The following RIN3 variants were observed in gnomAD, a reference collection of about 807,000 sequenced individuals.
RIN3 encodes RAB5 interacting protein 3.
In RIN3, 54 loss-of-function variants were observed where a neutral mutation model predicts 76.3. The ratio of observed to expected loss-of-function variants is 0.71; its 90% CI spans 0.57 to 0.89. The LOEUF is 0.89. Among genes scored for constraint, RIN3 ranks in the 40% least tolerant of loss-of-function variants. The pLI, the probability that RIN3 is intolerant of heterozygous loss-of-function variation, is 0.00. For missense variants in RIN3, 1,256 were observed against 1,322.1 expected (o/e 0.95, Z 0.78); for synonymous variants, 576 against 564.0 (o/e 1.02, Z -0.30).
chr14:92,643,924 C>A lies in RIN3; in HGVS notation c.532+2595C>A, dbSNP rs1318740273. On this transcript the variant is annotated intron_variant, in intron 5 of 9. Coordinates refer to ENST00000216487, the MANE Select transcript of RIN3 (RefSeq NM_024832.5). This position sits in a 1 kb window ranked among gnomAD's most constrained non-coding sequence, Gnocchi z 4.8. The stretch of plus-strand genomic sequence containing the variant: ...GCGTGGGCAACAGACTGAGACTCTG[C>A]CTCAAAAAAAAAAAAAATTAGAAGA... Among the ~76,000 whole-genome samples the A allele has an allele frequency of 6.6e-6, 1 of 150,948 alleles. No individual in the cohort carries two copies. The highest frequency in any genetic ancestry group is 2.4e-5 in the African/African-American group (1 of 40,848).
intron 3 of RIN3, among the ~76,000 whole-genome samples, chr14:92,613,896 C>T (rs936201969): frequency 9.8e-5 from 15 of 152,338 alleles, no homozygotes; most frequent in Admixed American, 7.8e-4. Context: ...GGGGCTCTCA[C>T]GTGCAGGGAG....
At chr14:92,549,874 A>G (rs1897376689) in intron 1 of RIN3, among the ~76,000 whole-genome samples, 2 of 152,186 alleles carry the variant, frequency 1.3e-5, no homozygotes, top group Non-Finnish European at 2.9e-5. Context: ...TTTCTGGTGG[A>G]GCTGCTCCAA....
chr14:92,631,605 C>T (rs549319573), intron 4 of RIN3, among the ~76,000 whole-genome samples: 15 of 151,650 alleles, frequency 9.9e-5, no homozygotes, highest in African/African-American at 2.7e-4. Flanking sequence ...TTTTTTTTGG[C>T]GGCGGCGGGA....
rs969416341 is a variant in RIN3 at position 92,656,757 on chromosome 14, G to A, written c.2027-2404G>A. Among the ~76,000 whole-genome samples the A allele has an allele frequency of 6.6e-6, 1 of 152,222 alleles. No individual in the cohort carries two copies. The highest frequency in any genetic ancestry group is 2.4e-5 in the African/African-American group (1 of 41,458). On this transcript the variant is annotated intron_variant, in intron 6 of 9. Transcript: ENST00000216487. This position sits in a 1 kb window ranked among gnomAD's most constrained non-coding sequence, Gnocchi z 5.2. ...AGGGCTGGAGCTACAGAGATGGAGAGAAGGGCCCTTCAGCCTTTGGGAACA... is the reference window on the plus strand; with the variant it reads ...AGGGCTGGAGCTACAGAGATGGAGAAAAGGGCCCTTCAGCCTTTGGGAACA...
chr14:92,625,616 T>C (rs4904961), intron 4 of RIN3, among the ~76,000 whole-genome samples: 136,419 of 152,146 alleles, frequency 0.9, 61,376 homozygotes, highest in African/African-American at 0.94. Flanking sequence ...TGCTCTTCCA[T>C]ATTTGAAGCA....
At chr14:92,684,396 A>AAC (rs1888773114) in intron 8 of RIN3, among the ~76,000 whole-genome samples, 2 of 151,842 alleles carry the variant, frequency 1.3e-5, no homozygotes, top group Non-Finnish European at 2.9e-5. Context: ...AAAAAAAAAA[A>AAC]AAAAAACCTC....
At chr14:92,601,982 C>A (rs1382847443) in intron 3 of RIN3, among the ~76,000 whole-genome samples, 2 of 152,228 alleles carry the variant, frequency 1.3e-5, no homozygotes, top group Non-Finnish European at 2.9e-5. Flanking sequence ...TTGCTCAATA[C>A]GAAGAGCAGC....
At chr14:92,559,151 G>A (rs1212694746) in intron 2 of RIN3, among the ~76,000 whole-genome samples, 1 of 152,160 alleles carries the variant, frequency 6.6e-6, no homozygotes. Context: ...ACAGGTGTGA[G>A]CCACCGTGCC....
At chr14:92,552,661 C>T (rs1285648198) in intron 1 of RIN3, among the ~76,000 whole-genome samples, 1 of 152,116 alleles carries the variant, frequency 6.6e-6, no homozygotes, top group East Asian at 1.9e-4. Context: ...CATCTCTTCC[C>T]CAGATACCTG....
intron 2 of RIN3, among the ~76,000 whole-genome samples, chr14:92,569,165 C>T (rs1897994297): frequency 6.6e-6 from 1 of 152,220 alleles, no homozygotes; most frequent in South Asian, 2.1e-4. Flanking sequence ...AGTTTCATCT[C>T]TTCTGGGGTC....
At chr14:92,587,851 A>G (rs1448155721) in intron 3 of RIN3, among the ~76,000 whole-genome samples, 1 of 151,998 alleles carries the variant, frequency 6.6e-6, no homozygotes, top group Non-Finnish European at 1.5e-5. Flanking sequence ...CAAAATACCA[A>G]GACTGGGTAA....
At chr14:92,546,785 C>A (rs1042793584) in intron 1 of RIN3, among the ~76,000 whole-genome samples, 1 of 151,948 alleles carries the variant, frequency 6.6e-6, no homozygotes, top group South Asian at 2.1e-4. Context: ...GTGAGTAGGG[C>A]CTGTTTGGGG....
intron 7 of RIN3, 40 bp downstream of exon 7, chr14:92,659,509 C>G: frequency 6.5e-7 from 1 of 1,542,496 alleles, no homozygotes; most frequent in Non-Finnish European, 8.7e-7. Flanking sequence ...GAGGAGCTCT[C>G]TTTGTATGGG....
At chr14:92,668,489 G>A (rs987712713) in intron 7 of RIN3, among the ~76,000 whole-genome samples, 6 of 152,190 alleles carry the variant, frequency 3.9e-5, no homozygotes, top group Non-Finnish European at 8.8e-5. Context: ...TTTCCTCAGG[G>A]ACACAGTGTA....
intron 1 of RIN3, among the ~76,000 whole-genome samples, chr14:92,536,465 C>G (rs971877531): frequency 6.6e-6 from 1 of 152,078 alleles, no homozygotes; most frequent in African/African-American, 2.4e-5. Context: ...AGGGTTCAGC[C>G]GGGAGCAGTG....
chr14:92,533,080 T>C lies in RIN3; in HGVS notation c.44+19104T>C, dbSNP rs147254599. ...TGGTGGCCAAAGGTACTAACAACAC[T>C]CAACATGCATATAGTTTTCCTCTTT... is the stretch of plus-strand genomic sequence containing the variant. On this transcript the variant is annotated intron_variant, in intron 1 of 9. Transcript: ENST00000216487. Among the ~76,000 whole-genome samples the C allele has an allele frequency of 3.7e-3, 564 of 152,324 alleles. 9 individuals are homozygous for C. The highest frequency in any genetic ancestry group is 0.013 in the African/African-American group (537 of 41,570).
intron 1 of RIN3, among the ~76,000 whole-genome samples, chr14:92,546,792 G>A (rs1897276939): frequency 1.3e-5 from 2 of 151,896 alleles, no homozygotes; most frequent in African/African-American, 4.8e-5. Context: ...GGGCCTGTTT[G>A]GGGGAATGAG....
At chr14:92,605,904 G>A (rs1018164858) in intron 3 of RIN3, among the ~76,000 whole-genome samples, 2 of 152,170 alleles carry the variant, frequency 1.3e-5, no homozygotes, top group Non-Finnish European at 2.9e-5. Flanking sequence ...GATTGGGAAT[G>A]GCCCTATTGA....
Position 92,681,469 on chromosome 14 carries a change from A to T in RIN3, c.2468-3518A>T, listed in dbSNP as rs1164413751. On this transcript the variant is annotated intron_variant, in intron 8 of 9. Transcript: ENST00000216487. This position sits in a 1 kb window ranked among gnomAD's most constrained non-coding sequence, Gnocchi z 4.7. ...TTCCGAAGCCCTGTACTTTACACAT[A>T]CTCATTTCCTTTTCACAACTTTATG... is the stretch of plus-strand genomic sequence containing the variant. Among the ~76,000 whole-genome samples, 9 of 152,088 alleles carry T rather than the reference A, an allele frequency of 5.9e-5. No individual in the cohort carries two copies. The highest frequency in any genetic ancestry group is 2.2e-4 in the African/African-American group (9 of 41,404).
Sources: allele counts gnomAD v4.1 joint callset (sites outside exome capture counted in the v4.1 genomes callset), GRCh38; gene constraint gnomAD v4.1.1; non-coding constraint Gnocchi (gnomAD v3.1); transcripts MANE v1.5; gene names NCBI Gene and HGNC (gene_info 2026-07-23, HGNC 2026-07-21).